LSAMP: variants seen among roughly 807,000 people sequenced by gnomAD.
LSAMP encodes the protein limbic system-associated membrane protein.
LSAMP carries 7 observed loss-of-function variants against 38.6 expected under a neutral mutation model. The ratio of observed to expected loss-of-function variants is 0.18; its 90% CI spans 0.10 to 0.34. LSAMP has a LOEUF of 0.34. Among genes scored for constraint, LSAMP ranks in the 10% least tolerant of loss-of-function variants. The pLI, the probability that LSAMP is intolerant of heterozygous loss-of-function variation, is 1.00. For synonymous variants in LSAMP, 154 were observed against 166.8 expected (o/e 0.92, Z 0.59); for missense variants, 313 against 420.0 (o/e 0.75, Z 2.23).
intron 1 of LSAMP, among the ~76,000 whole-genome samples, chr3:116,418,461 T>A (rs1009306083): frequency 2.0e-5 from 3 of 152,082 alleles, no homozygotes; most frequent in Non-Finnish European, 1.5e-5. Context: ...CAAATTCTTG[T>A]TGATCATTTC....
chr3:115,920,597 G>A (rs1449198293), intron 3 of LSAMP, among the ~76,000 whole-genome samples: 1 of 152,096 alleles, frequency 6.6e-6, no homozygotes, highest in East Asian at 1.9e-4. Flanking sequence ...GTGAAGGCTT[G>A]TTTGTGACAT....
intron 1 of LSAMP, among the ~76,000 whole-genome samples, chr3:116,432,481 T>C (rs917698164): frequency 2.2e-4 from 34 of 151,838 alleles, no homozygotes; most frequent in African/African-American, 7.7e-4. Context: ...TTTTGAGTTC[T>C]GTTTTATTTT....
At position 116,037,816 on chromosome 3, in the gene LSAMP, T is replaced by C. The variant is rs371040134; in HGVS notation, c.389-18176A>G. On this transcript the variant is annotated intron_variant, in intron 2 of 6. Coordinates refer to ENST00000490035, the MANE Select transcript of LSAMP (RefSeq NM_002338.5). ...ATAATCATATATATAATCATACTGA[T>C]ATATATATATCAGTAATGTCCTATA... Among the ~76,000 whole-genome samples, 11 of 152,032 alleles carry C rather than the reference T, an allele frequency of 7.2e-5. No homozygotes were observed. The South Asian group carries it at 1.2e-3, about 17-fold the overall frequency.
chr3:116,086,435 C>G lies in LSAMP; in HGVS notation c.277G>C (p.Glu93Gln), dbSNP rs1707990795. 1 of 1,614,092 alleles carries G rather than the reference C, an allele frequency of 6.2e-7. No homozygotes were observed. Among genetic ancestry groups the G allele is most frequent in the African/African-American group, 1.3e-5 (1 of 75,018 alleles). ...RVELEKRHSL[E>Q]YSLRIQKVDV... is the part of the protein sequence containing the mutation. ...ACCTTCTGGATTCGGAGGCTGTATT[C>G]CAGAGAATGGCGTTTCTCCAGCTCA... The change falls in exon 2 of 7, where the codon GAA becomes CAA. Residue 93 changes from glutamate to glutamine, a missense_variant. Coordinates refer to ENST00000490035, the MANE Select transcript of LSAMP (RefSeq NM_002338.5).
intron 1 of LSAMP, among the ~76,000 whole-genome samples, chr3:116,113,542 C>T (rs1274735327): frequency 6.8e-6 from 1 of 147,054 alleles, no homozygotes; most frequent in Non-Finnish European, 1.5e-5. Context: ...TCTCCTGCCT[C>T]AGCCTCCCAA....
chr3:116,044,522 C>G (rs76212712), intron 2 of LSAMP, among the ~76,000 whole-genome samples: 86 of 151,790 alleles, frequency 5.7e-4, no homozygotes, highest in Non-Finnish European at 9.6e-4. Flanking sequence ...CATGGAGAAC[C>G]GTTTCATGCA....
At chr3:116,108,261 G>A (rs1476206521) in intron 1 of LSAMP, among the ~76,000 whole-genome samples, 1 of 152,168 alleles carries the variant, frequency 6.6e-6, no homozygotes, top group Non-Finnish European at 1.5e-5. Flanking sequence ...AGTCAGGGAA[G>A]CAGATAATTT....
intron 1 of LSAMP, among the ~76,000 whole-genome samples, chr3:116,112,648 GAA>G (rs1186444888): frequency 6.6e-6 from 1 of 152,254 alleles, no homozygotes; most frequent in East Asian, 1.9e-4. Flanking sequence ...TGTGCAATTG[GAA>G]AGAGTGGATC....
rs1341257552 is a variant in LSAMP at position 116,057,967 on chromosome 3, A to ACACACACACACACACACC, written c.388+28356_388+28357insGGTGTGTGTGTGTGTGTG. Among the ~76,000 whole-genome samples, 442 of 147,596 alleles carry ACACACACACACACACACC rather than the reference A, an allele frequency of 3.0e-3. 2 individuals are homozygous for ACACACACACACACACACC. The highest frequency in any genetic ancestry group is 4.3e-3 in the Non-Finnish European group (283 of 66,586). On this transcript the variant is annotated intron_variant, in intron 2 of 6. Coordinates refer to ENST00000490035, the MANE Select transcript of LSAMP (RefSeq NM_002338.5). ...CACACACACACACACCCACACACAC[A>ACACACACACACACACACC]CACACACACACACAGAGTGAATGGT...
chr3:115,982,348 A>T (rs9872913), intron 3 of LSAMP, among the ~76,000 whole-genome samples: 63,388 of 152,020 alleles, frequency 0.42, 13,651 homozygotes, highest in African/African-American at 0.53. Flanking sequence ...CAAGTTCTCT[A>T]CCTAGTTTAG....
At chr3:115,982,096 G>A (rs1939376763) in intron 3 of LSAMP, among the ~76,000 whole-genome samples, 1 of 152,208 alleles carries the variant, frequency 6.6e-6, no homozygotes, top group African/African-American at 2.4e-5. Context: ...GAAGGAGGAA[G>A]TATAAAATAA....
chr3:116,210,160 A>G (rs2046136331), intron 1 of LSAMP, among the ~76,000 whole-genome samples: 1 of 152,124 alleles, frequency 6.6e-6, no homozygotes, highest in Admixed American at 6.5e-5. Context: ...GCTGTTGATG[A>G]TGGTGATAAT....
At chr3:115,893,279 C>T (rs1936647148) in intron 3 of LSAMP, among the ~76,000 whole-genome samples, 1 of 151,950 alleles carries the variant, frequency 6.6e-6, no homozygotes, top group African/African-American at 2.4e-5. Flanking sequence ...ACATGTATCC[C>T]AGAACCTAAA....
intron 3 of LSAMP, among the ~76,000 whole-genome samples, chr3:115,921,793 T>A (rs978993347): frequency 1.1e-4 from 16 of 152,276 alleles, no homozygotes; most frequent in African/African-American, 3.6e-4. Flanking sequence ...TATTTCTGTT[T>A]AATTTTTAAG....
At chr3:116,191,977 A>G (rs533285550) in intron 1 of LSAMP, among the ~76,000 whole-genome samples, 1 of 152,162 alleles carries the variant, frequency 6.6e-6, no homozygotes, top group African/African-American at 2.4e-5. Context: ...CTCCATCTGC[A>G]TACTAGGAAC....
chr3:115,975,471 G>C (rs1039142437), intron 3 of LSAMP, among the ~76,000 whole-genome samples: 5 of 152,154 alleles, frequency 3.3e-5, no homozygotes, highest in African/African-American at 1.2e-4. Flanking sequence ...ACAAGAAAAA[G>C]CAAAGGAGAC....
rs1250152734 is a variant in LSAMP at position 116,445,125 on chromosome 3, C to G, written c.-94G>C. ...TTCACCAACACGGGGCTTTCATCCA[C>G]AGCGAGCGCAGAGCGGGCTTTGCCA... On this transcript the variant is annotated 5_prime_UTR_variant, in exon 1 of 7. Transcript: ENST00000490035. The G allele has an allele frequency of 6.9e-6, 9 of 1,303,706 alleles. No homozygotes were observed. The highest frequency in any genetic ancestry group is 9.5e-6 in the Non-Finnish European group (9 of 949,858). 80.8% of individuals were successfully genotyped at this position (1,303,706 alleles called of 1,614,324 possible).
At chr3:116,070,769 G>A (rs561826990) in intron 2 of LSAMP, among the ~76,000 whole-genome samples, 4 of 152,218 alleles carry the variant, frequency 2.6e-5, no homozygotes, top group African/African-American at 7.2e-5. Context: ...TGCCGGGCAC[G>A]GTGGCTCATG....
chr3:115,977,126 AT>A (rs200624029), intron 3 of LSAMP, among the ~76,000 whole-genome samples: 1 of 152,290 alleles, frequency 6.6e-6, no homozygotes, highest in South Asian at 2.1e-4. Context: ...AAGTGAGAAG[AT>A]TTAGAATGAC....
Sources: gnomAD v4.1 joint callset for allele counts (sites outside exome capture counted in the v4.1 genomes callset) on GRCh38, gnomAD v4.1.1 for gene constraint, MANE v1.5 for transcripts, NCBI Gene and HGNC (gene_info 2026-07-23, HGNC 2026-07-21) for gene names.